Variants in KLHDC4 observed in about 807,000 individuals in gnomAD.
The protein encoded by KLHDC4 is kelch domain-containing protein 4.
Under a neutral mutation model 62.4 loss-of-function variants are expected in KLHDC4, and 90 were observed. The ratio of observed to expected loss-of-function variants is 1.44; its 90% CI spans 1.22 to 1.72. KLHDC4 has a LOEUF of 1.72. Ranked by LOEUF, KLHDC4 falls within the 40% of genes most tolerant of loss-of-function variation. The pLI is 0.00. For missense variants in KLHDC4, 1,025 were observed against 699.7 expected (o/e 1.47, Z -5.25); for synonymous variants, 386 against 284.4 (o/e 1.36, Z -3.59).
chr16:87,725,388 A>G (rs1458181324), intron 7 of KLHDC4, among the ~76,000 whole-genome samples: 2 of 152,130 alleles, frequency 1.3e-5, no homozygotes, highest in Non-Finnish European at 2.9e-5. Flanking sequence ...GATGGTCTCG[A>G]TCTCTTGACC....
chr16:87,702,564 C>T (rs1027701801), exon 1 of KLHDC4: 25 of 349,956 alleles, frequency 7.1e-5, no homozygotes, highest in Admixed American at 3.4e-4. Context: ...GCTGAGCTGA[C>T]CTCTCTAGCA....
intron 4 of KLHDC4, chr16:87,751,086 G>A (rs1182361633): frequency 6.6e-6 from 1 of 152,240 alleles, no homozygotes; most frequent in Non-Finnish European, 1.5e-5. Flanking sequence ...ACTATTCAAT[G>A]CCACAGAATA....
At chr16:87,763,946 G>C (rs1304186406) in intron 1 of KLHDC4, among the ~76,000 whole-genome samples, 1 of 152,210 alleles carries the variant, frequency 6.6e-6, no homozygotes, top group Non-Finnish European at 1.5e-5. Context: ...CCATGTTTGA[G>C]ACACTAAAAG....
chr16:87,726,022 C>T (rs1272847182), intron 7 of KLHDC4, among the ~76,000 whole-genome samples: 2 of 152,118 alleles, frequency 1.3e-5, no homozygotes, highest in Admixed American at 1.3e-4. Flanking sequence ...GGCCCTAACA[C>T]GGCACCAAGT....
intron 4 of KLHDC4, among the ~76,000 whole-genome samples, chr16:87,751,805 G>T (rs575868976): frequency 6.6e-6 from 1 of 152,128 alleles, no homozygotes; most frequent in Non-Finnish European, 1.5e-5. Flanking sequence ...CGGGCACGGT[G>T]GCTCACGCCT....
intron 2 of KLHDC4, among the ~76,000 whole-genome samples, chr16:87,756,746 C>T (rs549597595): frequency 3.1e-4 from 47 of 151,072 alleles, no homozygotes; most frequent in Middle Eastern, 3.5e-3. Context: ...AAAAAAAATT[C>T]CCCAGGCAGG....
intron 4 of KLHDC4, among the ~76,000 whole-genome samples, chr16:87,753,687 G>C (rs1188675969): frequency 1.3e-5 from 2 of 152,110 alleles, no homozygotes; most frequent in African/African-American, 4.8e-5. Flanking sequence ...TATAATCCCA[G>C]CTACTTGGGA....
At chr16:87,756,205 A>G (rs2044863405) in intron 3 of KLHDC4, 194 bp downstream of exon 3, 4 of 493,774 alleles carry the variant, frequency 8.1e-6, no homozygotes, top group Middle Eastern at 5.5e-4. Flanking sequence ...AGACCCCAGG[A>G]CCACTGAAGT....
At chr16:87,730,746 T>C in intron 5 of KLHDC4, 102 bp from the exon 6 acceptor site, 1 of 964,692 alleles carries the variant, frequency 1.0e-6, no homozygotes, top group Non-Finnish European at 1.6e-6. Context: ...CTGATTTCTG[T>C]TTTGTGAGCA....
At chr16:87,714,383 T>C in intron 8 of KLHDC4, 115 bp downstream of exon 8, 8 of 766,136 alleles carry the variant, frequency 1.0e-5, no homozygotes, top group South Asian at 1.0e-4. Flanking sequence ...GGCCCTCCGC[T>C]CCGGGCAGGG....
chr16:87,742,307 A>G (rs2042355708), intron 5 of KLHDC4, among the ~76,000 whole-genome samples: 2 of 152,192 alleles, frequency 1.3e-5, no homozygotes, highest in Non-Finnish European at 2.9e-5. Context: ...ATCCGGCCAC[A>G]TAGCACTCAG....
At chr16:87,717,302 A>G (rs1480153425) in intron 7 of KLHDC4, among the ~76,000 whole-genome samples, 1 of 152,258 alleles carries the variant, frequency 6.6e-6, no homozygotes, top group African/African-American at 2.4e-5. Flanking sequence ...TATTGTTTCT[A>G]GGCCGTCCCA....
intron 10 of KLHDC4, 89 bp from the exon 11 acceptor site, chr16:87,708,555 G>T: frequency 1.2e-6 from 1 of 848,334 alleles, no homozygotes; most frequent in South Asian, 2.6e-5. Flanking sequence ...CGTCCTGGGG[G>T]GATTCCATTT....
chr16:87,753,769 C>A (rs1218935809), intron 4 of KLHDC4, among the ~76,000 whole-genome samples: 2 of 150,368 alleles, frequency 1.3e-5, no homozygotes, highest in African/African-American at 4.9e-5. Context: ...CCACTGCACT[C>A]CAGCCTGGGC....
intron 5 of KLHDC4, among the ~76,000 whole-genome samples, chr16:87,742,726 C>T (rs751635903): frequency 2.0e-5 from 3 of 152,204 alleles, no homozygotes; most frequent in South Asian, 2.1e-4. Context: ...ACGTGGAGTA[C>T]GAAGACTTGA....
At chr16:87,710,066 T>G (rs2035482849) in intron 9 of KLHDC4, 1 of 185,210 alleles carries the variant, frequency 5.4e-6, no homozygotes. Flanking sequence ...GAAGCCAGGC[T>G]GAGGGGCTTC....
rs370872276 is a variant in KLHDC4, at chr16:87,744,328, T to C, written c.506+4345A>G. ...TACTCAGGAAGCTGAGGCAGGAGAATTGCTTGAACCTCTGAGGTGGAGGTG... is the reference window on the plus strand; with the variant it reads ...TACTCAGGAAGCTGAGGCAGGAGAACTGCTTGAACCTCTGAGGTGGAGGTG... On this transcript the variant is annotated intron_variant, in intron 5 of 11. Coordinates refer to ENST00000270583, the MANE Select transcript of KLHDC4 (RefSeq NM_017566.4). Among the ~76,000 whole-genome samples, 225 of 151,982 alleles carry C rather than the reference T, an allele frequency of 1.5e-3. 2 individuals are homozygous for C. The highest frequency in any genetic ancestry group is 5.2e-3 in the African/African-American group (217 of 41,442).
Position 87,708,094 on chromosome 16 carries a change from G to C in KLHDC4, c.*2-19C>G, listed in dbSNP as rs1216096787. 1.6e-6 allele frequency: 1 copy of C among 623,950 alleles called. No individual in the cohort carries two copies. Among genetic ancestry groups the C allele is most frequent in the African/African-American group, 1.8e-5 (1 of 55,370 alleles). The allele number at this position is 623,950 out of a possible 1,614,324, so 38.7% of individuals were successfully genotyped here. On this transcript the variant is annotated intron_variant, in intron 11 of 11. Coordinates refer to ENST00000270583, the MANE Select transcript of KLHDC4 (RefSeq NM_017566.4). ...GGCTCTTCTGATACGCAAGGAGGAA[G>C]GAATGAGAGAGAAACACATTCAGCC... is the stretch of plus-strand genomic sequence containing the variant.
chr16:87,765,213 A>G (rs1421119548), intron 1 of KLHDC4: 1 of 456,020 alleles, frequency 2.2e-6, no homozygotes. Context: ...CGGGCTGAGG[A>G]CCAGAGGGAA....
Sources: allele counts gnomAD v4.1 joint callset (sites outside exome capture counted in the v4.1 genomes callset), GRCh38; gene constraint gnomAD v4.1.1; transcripts MANE v1.5; gene names NCBI Gene and HGNC (gene_info 2026-07-23, HGNC 2026-07-21).